LRPPRC: variants seen among roughly 807,000 people sequenced by gnomAD.
LRPPRC encodes leucine-rich PPR motif-containing protein, mitochondrial.
In LRPPRC, 120 loss-of-function variants were observed where a neutral mutation model predicts 180.3. The ratio of observed to expected loss-of-function variants is 0.67; its 90% CI spans 0.57 to 0.77. The LOEUF (loss-of-function observed/expected upper bound fraction) is 0.77. Ranked by LOEUF, LRPPRC falls within the 30% of genes least tolerant of loss-of-function variation. The pLI is 0.00. For missense variants in LRPPRC, 2,012 were observed against 1,657.2 expected (o/e 1.21, Z -3.72); for synonymous variants, 723 against 600.0 (o/e 1.21, Z -3.00).
Position 43,918,380 on chromosome 2 carries a change from T to C in LRPPRC, c.2915A>G (p.Gln972Arg). 6.2e-7 allele frequency: 1 copy of C among 1,610,728 alleles called. No individual in the cohort carries two copies. The highest frequency in any genetic ancestry group is 1.7e-4 in the Middle Eastern group (1 of 6,060). ...LKLYKINGDWQRADAVWNKIQ... is the reference protein window; with the variant it reads ...LKLYKINGDWRRADAVWNKIQ... ...TTTATTCCAGACTGCATCAGCTCTT[T>C]GCCAGTCACCGTTTATTTCTGTAGA... The change falls in exon 28 of 38, where the codon CAA (glutamine) becomes CGA (arginine). Residue 972 changes from glutamine to arginine, a missense_variant. Physicochemically the swap from Gln to Arg is conservative, Grantham distance 43. Coordinates refer to ENST00000260665, the MANE Select transcript of LRPPRC (RefSeq NM_133259.4).
At chr2:43,936,550 T>C (rs887462132) in intron 23 of LRPPRC, among the ~76,000 whole-genome samples, 3 of 152,188 alleles carry the variant, frequency 2.0e-5, no homozygotes, top group African/African-American at 7.2e-5. Flanking sequence ...TTTTGCCTAT[T>C]ATACAAATGT....
chr2:43,926,636 G>C (rs1036413757), intron 25 of LRPPRC, among the ~76,000 whole-genome samples: 10 of 152,068 alleles, frequency 6.6e-5, no homozygotes, highest in Admixed American at 6.6e-5. Flanking sequence ...CAAAGTGCTG[G>C]GATTACAGGC....
At chr2:43,956,233 C>A (rs1277463646) in intron 14 of LRPPRC, among the ~76,000 whole-genome samples, 1 of 152,026 alleles carries the variant, frequency 6.6e-6, no homozygotes, top group African/African-American at 2.4e-5. Context: ...CAATCAAATC[C>A]AATGCATCAA....
At chr2:43,996,151 T>G, upstream of LRPPRC, 1 of 542,076 alleles carries the variant, frequency 1.8e-6, no homozygotes. Context: ...TAAACGATGT[T>G]GCTTGATTCA....
At chr2:43,914,036 T>C (rs1671355801) in intron 29 of LRPPRC, among the ~76,000 whole-genome samples, 1 of 152,342 alleles carries the variant, frequency 6.6e-6, no homozygotes, top group South Asian at 2.1e-4. Context: ...ATTTAAACCA[T>C]GACACACAAT....
Position 43,916,944 on chromosome 2 carries a change from C to CA in LRPPRC, c.3148+1080_3148+1081insT, listed in dbSNP as rs1247155430. 1.7e-3 allele frequency among the ~76,000 whole-genome samples: 103 copies of CA among 61,642 alleles called. No homozygotes were observed. In the East Asian group the frequency reaches 0.061, roughly 36 times the overall value. The allele number at this position is 61,642 out of a possible 152,430, so 40.4% of individuals were successfully genotyped here. A position where few individuals can be genotyped will look rare whatever the true frequency, so the allele number is the denominator to read the frequency against. On this transcript the variant is annotated intron_variant, in intron 29 of 37. Coordinates refer to ENST00000260665, the MANE Select transcript of LRPPRC (RefSeq NM_133259.4). ...TGGGTGACAGAGTGAGACCTGTCTC[C>CA]GGGGGGAAAAAAAAAAAAAAAAAAA...
chr2:43,973,709 C>T lies in LRPPRC; in HGVS notation c.1267G>A (p.Ala423Thr). 2 of 1,611,062 alleles carry T rather than the reference C, an allele frequency of 1.2e-6. No individual in the cohort carries two copies. Among genetic ancestry groups the T allele is most frequent in the Non-Finnish European group, 1.7e-6 (2 of 1,177,214 alleles). ...TTCACAGCCTTCATTAAGGCTTTTGCCAAATCTGAAAGAGATATCATAAAA... is the reference window on the plus strand; with the variant it reads ...TTCACAGCCTTCATTAAGGCTTTTGTCAAATCTGAAAGAGATATCATAAAA... Reference protein sequence around the residue: ...CALLANKTDLAKALMKAVKEE... With the variant: ...CALLANKTDLTKALMKAVKEE... The change falls in exon 11 of 38, where the codon GCA becomes ACA. Residue 423 changes from alanine (A) to threonine (T), a missense_variant. By Grantham distance (58) the Ala-to-Thr change is moderately conservative (BLOSUM62 0). Transcript: ENST00000260665.
At chr2:43,913,570 G>A (rs1299622353) in intron 29 of LRPPRC, among the ~76,000 whole-genome samples, 3 of 152,144 alleles carry the variant, frequency 2.0e-5, no homozygotes, top group Non-Finnish European at 4.4e-5. Context: ...TTAAACTTAA[G>A]TGGCACTGTC....
In LRPPRC at chr2:43,899,551, A is replaced by T. The variant is rs778342046; in HGVS notation, c.3624T>A (p.Asn1208Lys). 2.5e-5 allele frequency: 41 copies of T among 1,611,398 alleles called. No individual in the cohort carries two copies. Among genetic ancestry groups the T allele is most frequent in the Non-Finnish European group, 2.8e-5 (33 of 1,177,652 alleles). The change falls in exon 33 of 38, where the codon AAT becomes AAA. Residue 1208 changes from asparagine to lysine, a missense_variant. Asn to Lys is a moderately conservative substitution (Grantham distance 94). Transcript: ENST00000260665. ...CGAAGTATTGGGGTTCAATGACTTT[A>T]TTCTCTGAAGTAAGCATATTTTCAA... ...ENIENMLTSE[N>K]KVIEPQYFGL...
intron 14 of LRPPRC, among the ~76,000 whole-genome samples, chr2:43,951,088 G>A (rs930687863): frequency 6.6e-6 from 1 of 152,182 alleles, no homozygotes; most frequent in African/African-American, 2.4e-5. Context: ...CAGATTGCTT[G>A]TTACTTGTAA....
At chr2:43,915,234 A>ACT (rs1671421389) in intron 29 of LRPPRC, among the ~76,000 whole-genome samples, 1 of 45,314 alleles carries the variant, frequency 2.2e-5, no homozygotes, top group Non-Finnish European at 4.1e-5. Context: ...TCTCTCTCTC[A>ACT]CACACACACA....
intron 25 of LRPPRC, among the ~76,000 whole-genome samples, chr2:43,926,243 T>C (rs1418148548): frequency 6.6e-6 from 1 of 152,172 alleles, no homozygotes; most frequent in African/African-American, 2.4e-5. Context: ...ACGCCGATAA[T>C]TTCCAAATGC....
In LRPPRC at chr2:43,957,442, T is replaced by C; in HGVS notation, c.1592A>G (p.Asn531Ser). Residue 531 changes from asparagine to serine, a missense_variant, in exon 14 of 38, where the codon AAT becomes AGT. Coordinates refer to ENST00000260665, the MANE Select transcript of LRPPRC (RefSeq NM_133259.4). ...AGACTGCAGCGAGATGGGCAATGTA[T>C]TTGATTTCACTGCAAAAGAAAATGA... ...LDFVLSFLKS[N>S]TLPISLQSIR... is the part of the protein sequence containing the mutation. 6.2e-7 allele frequency: 1 copy of C among 1,612,398 alleles called. No homozygotes were observed. The highest frequency in any genetic ancestry group is 8.5e-7 in the Non-Finnish European group (1 of 1,178,472).
chr2:43,945,406 T>G lies in LRPPRC; in HGVS notation c.2222A>C (p.Asp741Ala). 6.2e-7 allele frequency: 1 copy of G among 1,608,950 alleles called. No individual in the cohort carries two copies. The highest frequency in any genetic ancestry group is 8.5e-7 in the Non-Finnish European group (1 of 1,175,462). Reference protein sequence around the residue: ...LNLKEEFDRLDSSAVLDTGKY... With the variant: ...LNLKEEFDRLASSAVLDTGKY... ...GCCGGTGTCAAGGACAGCAGATGAA[T>G]CTAAGCGGTCACTAAAAATTAAAGC... The change falls in exon 22 of 38, where the codon GAT becomes GCT. Residue 741 changes from aspartate to alanine, a missense_variant. Physicochemically the swap from Asp to Ala is moderately radical, Grantham distance 126. Transcript: ENST00000260665.
At position 43,948,102 on chromosome 2, in the gene LRPPRC, G is replaced by A. The variant is rs752814488; in HGVS notation, c.1920+20C>T. The stretch of plus-strand genomic sequence containing the variant: ...TGTAAGTTAAGCATTTTATCCAGTT[G>A]ATTGCTATTTCACACACACCTTAAT... On this transcript the variant is annotated intron_variant, in intron 18 of 37. Coordinates refer to ENST00000260665, the MANE Select transcript of LRPPRC (RefSeq NM_133259.4). 2 of 1,456,006 alleles carry A rather than the reference G, an allele frequency of 1.4e-6. No individual in the cohort carries two copies. Among genetic ancestry groups the A allele is most frequent in the Non-Finnish European group, 1.9e-6 (2 of 1,037,064 alleles). 90.2% of individuals were successfully genotyped at this position (1,456,006 alleles called of 1,614,324 possible). A position where few individuals can be genotyped will look rare whatever the true frequency, so the allele number is the denominator to read the frequency against.
intron 30 of LRPPRC, among the ~76,000 whole-genome samples, chr2:43,911,523 C>CTTTT (rs531172761): frequency 1.6e-3 from 151 of 92,326 alleles, no homozygotes; most frequent in African/African-American, 3.0e-3. Context: ...TCTTCTTCTT[C>CTTTT]TTTTTTTTTT....
intron 1 of LRPPRC, among the ~76,000 whole-genome samples, chr2:43,986,556 T>A (rs1328709968): frequency 6.6e-6 from 1 of 152,194 alleles, no homozygotes; most frequent in Non-Finnish European, 1.5e-5. Context: ...AGAAGAGGCA[T>A]TATTAATAGC....
At chr2:43,898,837 G>A (rs923066464) in intron 34 of LRPPRC, among the ~76,000 whole-genome samples, 12 of 152,152 alleles carry the variant, frequency 7.9e-5, no homozygotes, top group African/African-American at 2.9e-4. Context: ...CCATGGTGAC[G>A]CACAGTATCT....
intron 29 of LRPPRC, among the ~76,000 whole-genome samples, chr2:43,915,766 A>G (rs1346195670): frequency 1.3e-5 from 2 of 152,192 alleles, no homozygotes; most frequent in Admixed American, 6.5e-5. Context: ...TACATTTTAC[A>G]TCAATGCCAC....
Sources: allele counts gnomAD v4.1 joint callset (sites outside exome capture counted in the v4.1 genomes callset), GRCh38; gene constraint gnomAD v4.1.1; transcripts MANE v1.5; gene names NCBI Gene and HGNC (gene_info 2026-07-23, HGNC 2026-07-21).